NAALADL2: variants seen among roughly 807,000 people sequenced by gnomAD.
NAALADL2 encodes inactive N-acetylated-alpha-linked acidic dipeptidase-like protein 2.
A neutral mutation model predicts 87.2 loss-of-function variants in NAALADL2; 76 were observed. The ratio of observed to expected loss-of-function variants is 0.87; its 90% CI spans 0.72 to 1.05. The LOEUF is 1.05. NAALADL2 is among the 50% of genes least tolerant of loss of function. NAALADL2 has a pLI of 0.00. For synonymous variants in NAALADL2, 354 were observed against 331.0 expected (o/e 1.07, Z -0.75); for missense variants, 1,089 against 945.8 (o/e 1.15, Z -1.99).
chr3:175,621,249 C>T (rs1463262045), intron 10 of NAALADL2, among the ~76,000 whole-genome samples: 2 of 152,174 alleles, frequency 1.3e-5, no homozygotes, highest in Non-Finnish European at 2.9e-5. Flanking sequence ...ATGTCACCAT[C>T]ACCCATTCCC....
chr3:175,697,400 GACAC>G (rs57471272), intron 11 of NAALADL2, among the ~76,000 whole-genome samples: 21,150 of 145,200 alleles, frequency 0.15, 1,630 homozygotes, highest in South Asian at 0.26. Context: ...GCTGCACACA[GACAC>G]ACACACACAC....
At chr3:175,180,704 T>C (rs1736336038) in intron 2 of NAALADL2, among the ~76,000 whole-genome samples, 1 of 140,926 alleles carries the variant, frequency 7.1e-6, no homozygotes, top group Non-Finnish European at 1.6e-5. Flanking sequence ...TAATCATAAA[T>C]ATCATTAGTT....
In NAALADL2 at chr3:174,882,554, T is replaced by C. The variant is rs367788520; in HGVS notation, c.43+23104T>C. Among the ~76,000 whole-genome samples, 9 of 150,444 alleles carry C rather than the reference T, an allele frequency of 6.0e-5. No individual in the cohort carries two copies. In the East Asian group the frequency reaches 9.8e-4, roughly 16 times the overall value. On this transcript the variant is annotated intron_variant, in intron 1 of 13. Transcript: ENST00000454872. Reference sequence around the variant, plus strand: ...ATATATGCATACACACATATGTACATATGTGTATATATACATATGTGCTTA... The same window carrying C: ...ATATATGCATACACACATATGTACACATGTGTATATATACATATGTGCTTA...
intron 3 of NAALADL2, among the ~76,000 whole-genome samples, chr3:174,761,701 G>T (rs1185693928): frequency 6.6e-6 from 1 of 151,786 alleles, no homozygotes; most frequent in Non-Finnish European, 1.5e-5. Flanking sequence ...GTGCCATGTT[G>T]GTGTGCTGTA....
intron 1 of NAALADL2, among the ~76,000 whole-genome samples, chr3:174,885,873 G>GTTTTTT (rs1403797617): frequency 2.4e-5 from 2 of 83,768 alleles, no homozygotes; most frequent in Non-Finnish European, 4.5e-5. Context: ...GCCAGTCCGA[G>GTTTTTT]TTGTTTTTTT....
intron 1 of NAALADL2, among the ~76,000 whole-genome samples, chr3:174,918,732 C>T (rs543333447): frequency 6.6e-6 from 1 of 152,206 alleles, no homozygotes; most frequent in South Asian, 2.1e-4. Flanking sequence ...CTGTTTGTGT[C>T]CTTTTGGTCA....
intron 1 of NAALADL2, among the ~76,000 whole-genome samples, chr3:174,494,180 T>C (rs1240447369): frequency 1.3e-5 from 2 of 152,070 alleles, no homozygotes; most frequent in Non-Finnish European, 2.9e-5. Context: ...TGTTGGGAAA[T>C]GTTAGGTGTC....
rs552165675 is a variant in NAALADL2 at position 174,889,094 on chromosome 3, T to C, written c.43+29644T>C. 2.0e-5 allele frequency among the ~76,000 whole-genome samples: 3 copies of C among 152,304 alleles called. No individual in the cohort carries two copies. In the East Asian group the frequency reaches 5.8e-4, roughly 29 times the overall value. On this transcript the variant is annotated intron_variant, in intron 1 of 13. Transcript: ENST00000454872. The stretch of plus-strand genomic sequence containing the variant: ...TTCTACAGTGACTCGTGCCTTATTG[T>C]AGTGGATAACTTCTGTTTAATTTCA...
chr3:174,450,183 C>G (rs996232657), intron 1 of NAALADL2, among the ~76,000 whole-genome samples: 1 of 152,048 alleles, frequency 6.6e-6, no homozygotes, highest in African/African-American at 2.4e-5. Flanking sequence ...ACCAAAACAC[C>G]AAGCGTTTGG....
chr3:174,994,825 T>C (rs1260612698), intron 1 of NAALADL2, among the ~76,000 whole-genome samples: 2 of 152,206 alleles, frequency 1.3e-5, no homozygotes, highest in Admixed American at 6.5e-5. Context: ...AAGAATTAGA[T>C]TTGCAATTTA....
chr3:175,325,704 A>T (rs1760624877), intron 5 of NAALADL2, among the ~76,000 whole-genome samples: 1 of 152,232 alleles, frequency 6.6e-6, no homozygotes, highest in Non-Finnish European at 1.5e-5. Flanking sequence ...CATTTCATAA[A>T]TACAGAATTC....
intron 9 of NAALADL2, among the ~76,000 whole-genome samples, chr3:175,491,725 G>C (rs1024349709): frequency 2.0e-5 from 3 of 152,066 alleles, no homozygotes; most frequent in African/African-American, 7.2e-5. Context: ...ACCCTGCCAC[G>C]CTACACATGA....
At chr3:174,967,305 A>T (rs1743013294) in intron 1 of NAALADL2, among the ~76,000 whole-genome samples, 1 of 151,926 alleles carries the variant, frequency 6.6e-6, no homozygotes. Context: ...ATGTGGCAAT[A>T]AAATTTAGAT....
chr3:175,523,714 A>G (rs1732996750), intron 9 of NAALADL2, among the ~76,000 whole-genome samples: 1 of 152,198 alleles, frequency 6.6e-6, no homozygotes, highest in Admixed American at 6.5e-5. Flanking sequence ...GTTAGACCGC[A>G]CAGGCAAAAC....
At chr3:174,673,306 TAAAG>T (rs1453415811) in intron 2 of NAALADL2, among the ~76,000 whole-genome samples, 1 of 151,946 alleles carries the variant, frequency 6.6e-6, no homozygotes, top group Non-Finnish European at 1.5e-5. Context: ...TTAAATTTCA[TAAAG>T]AAGAATAAAT....
chr3:175,791,636 AC>A, intron 13 of NAALADL2, among the ~76,000 whole-genome samples: 1 of 152,122 alleles, frequency 6.6e-6, no homozygotes, highest in East Asian at 1.9e-4. Flanking sequence ...GATGTCCTAA[AC>A]TGACTATTTC....
At chr3:175,594,171 C>T (rs1479503174) in intron 10 of NAALADL2, among the ~76,000 whole-genome samples, 1 of 151,982 alleles carries the variant, frequency 6.6e-6, no homozygotes, top group African/African-American at 2.4e-5. Context: ...TCAAATAGTC[C>T]TCAGTGTCTA....
intron 1 of NAALADL2, among the ~76,000 whole-genome samples, chr3:175,031,088 C>CA (rs1752745220): frequency 6.6e-6 from 1 of 151,782 alleles, no homozygotes; most frequent in Non-Finnish European, 1.5e-5. Context: ...TACATTAGAA[C>CA]AAAACATTAA....
At chr3:174,952,896 C>A (rs1240270648) in intron 1 of NAALADL2, among the ~76,000 whole-genome samples, 1 of 152,004 alleles carries the variant, frequency 6.6e-6, no homozygotes, top group Non-Finnish European at 1.5e-5. Flanking sequence ...CATTTTAGTG[C>A]CCTCCTCTTT....
Sources: gnomAD v4.1 joint callset for allele counts (sites outside exome capture counted in the v4.1 genomes callset) on GRCh38, gnomAD v4.1.1 for gene constraint, MANE v1.5 for transcripts, NCBI Gene and HGNC (gene_info 2026-07-23, HGNC 2026-07-21) for gene names.